The following ZMAT4 variants were observed in gnomAD, a reference collection of about 807,000 sequenced individuals.
ZMAT4 encodes the protein zinc finger matrin-type 4.
Under a neutral mutation model 28.7 loss-of-function variants are expected in ZMAT4, and 17 were observed. The ratio of observed to expected loss-of-function variants is 0.59; its 90% confidence interval spans 0.41 to 0.89. ZMAT4 has a LOEUF of 0.89. Ranked by LOEUF, ZMAT4 falls within the 40% of genes least tolerant of loss-of-function variation. The probability of loss-of-function intolerance (pLI) is 0.00; values close to 1 mark genes in which losing one functional copy is unlikely to be tolerated. For missense variants in ZMAT4, 240 were observed against 283.8 expected, an observed-to-expected ratio of 0.85 and a Z score of 1.11; for synonymous variants, 117 against 109.2, an observed-to-expected ratio of 1.07 and a Z score of -0.44.
chr8:40,728,068 TG>T (rs1183084104), intron 3 of ZMAT4, among the ~76,000 whole-genome samples: 1 of 152,188 alleles, frequency 6.6e-6, no homozygotes. Context: ...GCAAATCATA[TG>T]TTCCTGGAGA....
intron 3 of ZMAT4, among the ~76,000 whole-genome samples, chr8:40,742,402 T>C (rs1042108168): frequency 1.3e-5 from 2 of 150,718 alleles, no homozygotes; most frequent in South Asian, 4.2e-4. Context: ...TAAATATATA[T>C]ATATATTTGC....
chr8:40,665,972 G>A (rs567277106), intron 5 of ZMAT4, among the ~76,000 whole-genome samples: 6 of 152,232 alleles, frequency 3.9e-5, no homozygotes, highest in East Asian at 1.9e-4. Context: ...GTCTTCAGAT[G>A]AGAATTACAA....
At chr8:40,716,961 T>TCAAAGACCA (rs1810885751) in intron 3 of ZMAT4, among the ~76,000 whole-genome samples, 1 of 152,210 alleles carries the variant, frequency 6.6e-6, no homozygotes, top group African/African-American at 2.4e-5. Context: ...AGCATACCTA[T>TCAAAGACCA]CATTGTGAAA....
chr8:40,618,872 A>G (rs532222252), intron 5 of ZMAT4, among the ~76,000 whole-genome samples: 2 of 152,276 alleles, frequency 1.3e-5, no homozygotes, highest in East Asian at 1.9e-4. Flanking sequence ...GAGTGCAAAA[A>G]CTTTCTTCTA....
intron 2 of ZMAT4, among the ~76,000 whole-genome samples, chr8:40,810,039 G>T (rs528916490): frequency 6.1e-4 from 92 of 151,950 alleles, no homozygotes; most frequent in Non-Finnish European, 1.0e-3. Flanking sequence ...GCTAAACTCC[G>T]TCTTAAAACA....
At chr8:40,603,785 T>C (rs1314936701) in intron 5 of ZMAT4, among the ~76,000 whole-genome samples, 3 of 151,962 alleles carry the variant, frequency 2.0e-5, no homozygotes, top group Non-Finnish European at 4.4e-5. Context: ...CCTGCCACCA[T>C]GTCCAGCTAA....
At chr8:40,790,210 GA>G (rs578100995) in intron 2 of ZMAT4, among the ~76,000 whole-genome samples, 7 of 151,794 alleles carry the variant, frequency 4.6e-5, no homozygotes, top group African/African-American at 1.4e-4. Context: ...ACAAAATAAA[GA>G]AAAAAAACTG....
intron 3 of ZMAT4, among the ~76,000 whole-genome samples, chr8:40,721,485 T>A (rs1811090443): frequency 6.9e-6 from 1 of 144,976 alleles, no homozygotes; most frequent in Non-Finnish European, 1.5e-5. Flanking sequence ...GTCATTTGGG[T>A]ATATACCCAG....
chr8:40,591,169 T>C (rs1193667212), intron 5 of ZMAT4, among the ~76,000 whole-genome samples: 1 of 152,164 alleles, frequency 6.6e-6, no homozygotes, highest in Non-Finnish European at 1.5e-5. Context: ...CAGGGAGTCA[T>C]TAACACTTAG....
intron 3 of ZMAT4, among the ~76,000 whole-genome samples, chr8:40,733,073 G>A (rs1333713696): frequency 6.6e-6 from 1 of 151,792 alleles, no homozygotes; most frequent in Non-Finnish European, 1.5e-5. Context: ...TTGAAATCCT[G>A]GCCTCAAGCA....
At chr8:40,660,147 G>A (rs1361517004) in intron 5 of ZMAT4, among the ~76,000 whole-genome samples, 1 of 151,994 alleles carries the variant, frequency 6.6e-6, no homozygotes, top group Non-Finnish European at 1.5e-5. Flanking sequence ...GCATATTTTT[G>A]TTTATTATTC....
At position 40,704,790 on chromosome 8, in the gene ZMAT4, T is replaced by C. The variant is rs544934081; in HGVS notation, c.193-7389A>G. On this transcript the variant is annotated intron_variant, in intron 3 of 6. Coordinates refer to ENST00000297737, the MANE Select transcript of ZMAT4 (RefSeq NM_024645.3). Reference sequence around the variant, plus strand: ...TAATGTACTATCTCCCTCGTTTTCTTACCAATATGACTGCTTTGTCTTAGG... The same window carrying C: ...TAATGTACTATCTCCCTCGTTTTCTCACCAATATGACTGCTTTGTCTTAGG... 2.0e-5 allele frequency among the ~76,000 whole-genome samples: 3 copies of C among 152,362 alleles called. No homozygotes were observed. The South Asian group carries it at 6.2e-4, about 32-fold the overall frequency.
At position 40,639,896 on chromosome 8, in the gene ZMAT4, A is replaced by C. The variant is rs557922611; in HGVS notation, c.577+34808T>G. 2.0e-5 allele frequency among the ~76,000 whole-genome samples: 3 copies of C among 152,264 alleles called. No individual in the cohort carries two copies. The East Asian group carries it at 5.8e-4, about 29-fold the overall frequency. ...AGATAACTTTTTAAAAAGGGTAAAA[A>C]AACTAACCCAAATAACTCCCTTGTC... is the stretch of plus-strand genomic sequence containing the variant. On this transcript the variant is annotated intron_variant, in intron 5 of 6. Transcript: ENST00000297737.
chr8:40,614,968 A>T (rs1805944337), intron 5 of ZMAT4, among the ~76,000 whole-genome samples: 1 of 152,224 alleles, frequency 6.6e-6, no homozygotes, highest in South Asian at 2.1e-4. Context: ...TCCTGTCATT[A>T]TGATGTTAGA....
chr8:40,691,404 CAA>C (rs10581532), intron 4 of ZMAT4, among the ~76,000 whole-genome samples: 54,141 of 137,634 alleles, frequency 0.39, 10,923 homozygotes, highest in Middle Eastern at 0.64. Context: ...AAATAGACTG[CAA>C]AAAAAAAAAA....
chr8:40,677,481 G>A (rs1031730094), intron 4 of ZMAT4, among the ~76,000 whole-genome samples: 18 of 152,082 alleles, frequency 1.2e-4, no homozygotes, highest in African/African-American at 4.1e-4. Context: ...AATTTCTAAC[G>A]TCCCTGGTTT....
chr8:40,729,060 C>A (rs1811424463), intron 3 of ZMAT4, among the ~76,000 whole-genome samples: 1 of 152,214 alleles, frequency 6.6e-6, no homozygotes, highest in African/African-American at 2.4e-5. Context: ...ATGAATACAT[C>A]ATGAATTTGT....
At chr8:40,695,128 A>G (rs1809824769) in intron 4 of ZMAT4, among the ~76,000 whole-genome samples, 2 of 152,192 alleles carry the variant, frequency 1.3e-5, no homozygotes, top group South Asian at 2.1e-4. Context: ...AAAATGGCCA[A>G]TTTCTACTGC....
At chr8:40,688,661 A>T (rs1304460615) in intron 4 of ZMAT4, among the ~76,000 whole-genome samples, 1 of 152,186 alleles carries the variant, frequency 6.6e-6, no homozygotes, top group Non-Finnish European at 1.5e-5. Flanking sequence ...ACACAAGAGA[A>T]ACAACTTCTC....
Sources: allele counts gnomAD v4.1 joint callset (sites outside exome capture counted in the v4.1 genomes callset), GRCh38; gene constraint gnomAD v4.1.1; transcripts MANE v1.5; gene names NCBI Gene and HGNC (gene_info 2026-07-23, HGNC 2026-07-21).